SPATA17: variants seen among roughly 807,000 people sequenced by gnomAD.
The protein encoded by SPATA17 is spermatogenesis-associated protein 17.
A neutral mutation model predicts 62.2 loss-of-function variants in SPATA17; 53 were observed. The observed-to-expected ratio is 0.85, with a 90% CI of 0.68 to 1.07. SPATA17 has a LOEUF of 1.07. SPATA17 is among the 50% of genes least tolerant of loss of function. The pLI, the probability that SPATA17 is intolerant of heterozygous loss-of-function variation, is 0.00. For missense variants in SPATA17, 466 were observed against 425.5 expected (o/e 1.10, Z -0.84); for synonymous variants, 146 against 146.8 (o/e 0.99, Z 0.04).
intron 4 of SPATA17, among the ~76,000 whole-genome samples, chr1:217,671,546 A>G (rs1323582690): frequency 1.3e-5 from 2 of 152,098 alleles, no homozygotes; most frequent in East Asian, 1.9e-4. Flanking sequence ...CCTTTCCAAT[A>G]AAGTCTCTCC....
At chr1:217,674,133 T>A (rs183433745) in intron 4 of SPATA17, among the ~76,000 whole-genome samples, 1 of 152,236 alleles carries the variant, frequency 6.6e-6, no homozygotes, top group Admixed American at 6.5e-5. Flanking sequence ...CTGAAACTTA[T>A]TCCCTGAGAA....
rs1012318580 is a variant in SPATA17, at chr1:217,870,510, G to C, written c.*3491G>C. Reference sequence around the variant, plus strand: ...TATAACTGGGGAAAGCAGTTTGTCTGTTTCTCCTGGAAAACTACTAGACTA... The same window carrying C: ...TATAACTGGGGAAAGCAGTTTGTCTCTTTCTCCTGGAAAACTACTAGACTA... On this transcript the variant is annotated 3_prime_UTR_variant, in exon 11 of 11. Transcript: ENST00000366933. 2.6e-5 allele frequency: 4 copies of C among 152,092 alleles called. No homozygotes were observed. Among genetic ancestry groups the C allele is most frequent in the African/African-American group, 7.2e-5 (3 of 41,414 alleles). 9.4% of individuals were successfully genotyped at this position (152,092 alleles called of 1,614,324 possible). A position where few individuals can be genotyped will look rare whatever the true frequency, so the allele number is the denominator to read the frequency against.
rs767867749 is a variant in SPATA17, at chr1:217,774,417, C to A, written c.603C>A (p.His201Gln). ...TACAGAAGGCAAAGCCTTTAACACA[C>A]CGAAGACCTAAAGTTAAGCAGAAGG... ...LQLQKAKPLT[H>Q]RRPKVKQKDS... The change falls in exon 7 of 11, where the codon CAC becomes CAA. Residue 201 changes from histidine to glutamine, a missense_variant. His to Gln is a conservative substitution (Grantham distance 24). Transcript: ENST00000366933. The A allele has an allele frequency of 8.1e-6, 13 of 1,614,062 alleles. No individual in the cohort carries two copies. In the Middle Eastern group the frequency reaches 1.3e-3, roughly 164 times the overall value.
At chr1:217,736,339 A>G (rs1219896270) in intron 5 of SPATA17, among the ~76,000 whole-genome samples, 1 of 152,236 alleles carries the variant, frequency 6.6e-6, no homozygotes, top group Non-Finnish European at 1.5e-5. Flanking sequence ...TCATTCAAAT[A>G]GACATGGGCA....
chr1:217,788,769 A>G (rs1673924326), intron 8 of SPATA17, among the ~76,000 whole-genome samples: 1 of 152,200 alleles, frequency 6.6e-6, no homozygotes, highest in African/African-American at 2.4e-5. Context: ...TTAGCCCAGT[A>G]AGACCTATTT....
chr1:217,723,474 T>C (rs1202584524), intron 5 of SPATA17, among the ~76,000 whole-genome samples: 1 of 152,222 alleles, frequency 6.6e-6, no homozygotes, highest in Non-Finnish European at 1.5e-5. Context: ...CTTTCTTTTG[T>C]ATACTTCCGT....
rs1317442572 is a variant in SPATA17 at position 217,799,993 on chromosome 1, C to T, written c.873-1725C>T. Among the ~76,000 whole-genome samples, 3 of 152,052 alleles carry T rather than the reference C, an allele frequency of 2.0e-5. No individual in the cohort carries two copies. In the East Asian group the frequency reaches 5.8e-4, roughly 29 times the overall value. Reference sequence around the variant, plus strand: ...TTCTTTTATTTAAAAAAGCATCCAACTTTTATTTCATTAATACCGTATCTC... The same window carrying T: ...TTCTTTTATTTAAAAAAGCATCCAATTTTTATTTCATTAATACCGTATCTC... On this transcript the variant is annotated intron_variant, in intron 8 of 10. Coordinates refer to ENST00000366933, the MANE Select transcript of SPATA17 (RefSeq NM_138796.4).
In SPATA17 at chr1:217,683,267, C is replaced by T. The variant is rs777819202; in HGVS notation, c.301C>T (p.Arg101Ter). 23 of 1,599,636 alleles carry T rather than the reference C, an allele frequency of 1.4e-5. No homozygotes were observed. Among genetic ancestry groups the T allele is most frequent in the Admixed American group, 3.4e-5 (2 of 58,184 alleles). ...TTATTTACTTTAATAGATTCAGAGA[C>T]GATGGCGAGGCTATAGGGTTCGGAA... is the stretch of plus-strand genomic sequence containing the variant. ...YNAMAVRIQR[R>*]WRGYRVRKYL... Residue 101 changes from arginine (R) to a stop codon, truncating the protein, a stop_gained, in exon 5 of 11, where the codon CGA becomes TGA. Coordinates refer to ENST00000366933, the MANE Select transcript of SPATA17 (RefSeq NM_138796.4). LOFTEE classifies it high-confidence loss of function.
intron 5 of SPATA17, among the ~76,000 whole-genome samples, chr1:217,684,249 A>G (rs988821826): frequency 1.2e-4 from 19 of 152,134 alleles, no homozygotes; most frequent in African/African-American, 3.6e-4. Context: ...TATTTTGAAA[A>G]TAGTTTTTTC....
chr1:217,726,366 T>C (rs1672256869), intron 5 of SPATA17, among the ~76,000 whole-genome samples: 1 of 152,188 alleles, frequency 6.6e-6, no homozygotes. Context: ...TCCAGTCCAA[T>C]TTGCCATCAG....
chr1:217,770,982 T>A (rs951445504), intron 6 of SPATA17, among the ~76,000 whole-genome samples: 8,586 of 81,356 alleles, frequency 0.11, 1,126 homozygotes, highest in Non-Finnish European at 0.14. Context: ...CATTGCATTT[T>A]TTTTTTTTTT....
intron 6 of SPATA17, among the ~76,000 whole-genome samples, chr1:217,768,251 T>A (rs2102967966): frequency 6.6e-6 from 1 of 151,756 alleles, no homozygotes; most frequent in East Asian, 2.0e-4. Context: ...CTCAAAAAAA[T>A]AAATAAAGGA....
chr1:217,684,478 G>A (rs1013888491), intron 5 of SPATA17, among the ~76,000 whole-genome samples: 5 of 151,862 alleles, frequency 3.3e-5, no homozygotes, highest in African/African-American at 7.3e-5. Flanking sequence ...GCAGTGGCAC[G>A]ATCTCGGCTC....
At chr1:217,702,990 C>T (rs993933922) in intron 5 of SPATA17, among the ~76,000 whole-genome samples, 1 of 151,076 alleles carries the variant, frequency 6.6e-6, no homozygotes, top group Admixed American at 6.6e-5. Flanking sequence ...GATTCTTCTG[C>T]CTCAGCCTCC....
At chr1:217,704,550 C>G (rs1671689345) in intron 5 of SPATA17, among the ~76,000 whole-genome samples, 1 of 152,132 alleles carries the variant, frequency 6.6e-6, no homozygotes, top group African/African-American at 2.4e-5. Context: ...GCGCCCGGCC[C>G]TTCCCTCTAC....
At chr1:217,705,318 G>A (rs994525498) in intron 5 of SPATA17, among the ~76,000 whole-genome samples, 17 of 151,252 alleles carry the variant, frequency 1.1e-4, no homozygotes, top group African/African-American at 4.1e-4. Flanking sequence ...TTTGTCAGAT[G>A]CATAGATGCA....
intron 5 of SPATA17, among the ~76,000 whole-genome samples, chr1:217,690,013 C>T (rs776111513): frequency 1.3e-4 from 20 of 152,040 alleles, no homozygotes; most frequent in Non-Finnish European, 2.1e-4. Flanking sequence ...AAGCGATTCT[C>T]CTGCCTCAGC....
At chr1:217,677,198 G>A (rs952626359) in intron 4 of SPATA17, among the ~76,000 whole-genome samples, 1 of 151,834 alleles carries the variant, frequency 6.6e-6, no homozygotes, top group Non-Finnish European at 1.5e-5. Flanking sequence ...AGCTTTCTCC[G>A]CATATAATAC....
intron 9 of SPATA17, among the ~76,000 whole-genome samples, chr1:217,847,857 C>A (rs1675562735): frequency 6.6e-6 from 1 of 151,982 alleles, no homozygotes; most frequent in Non-Finnish European, 1.5e-5. Flanking sequence ...CACAGTGAGA[C>A]CCCATCCCTA....
Sources: allele counts gnomAD v4.1 joint callset (sites outside exome capture counted in the v4.1 genomes callset), GRCh38; gene constraint gnomAD v4.1.1; transcripts MANE v1.5; gene names NCBI Gene and HGNC (gene_info 2026-07-23, HGNC 2026-07-21).